The following YTHDC2 variants were observed in gnomAD, a reference collection of about 807,000 sequenced individuals.
YTHDC2 encodes the protein 3'-5' RNA helicase YTHDC2.
YTHDC2 carries 45 observed loss-of-function variants against 174.9 expected under a neutral mutation model. The ratio of observed to expected loss-of-function variants is 0.26; its 90% CI spans 0.20 to 0.33. The LOEUF (loss-of-function observed/expected upper bound fraction) is 0.33. Among genes scored for constraint, YTHDC2 ranks in the 10% least tolerant of loss-of-function variants. The pLI, the probability that YTHDC2 is intolerant of heterozygous loss-of-function variation, is 1.00. For synonymous variants in YTHDC2, 657 were observed against 574.5 expected (o/e 1.14, Z -2.05); for missense variants, 1,650 against 1,723.7 (o/e 0.96, Z 0.76).
intron 17 of YTHDC2, among the ~76,000 whole-genome samples, chr5:113,559,930 C>T (rs772364578): frequency 2.0e-5 from 3 of 152,118 alleles, no homozygotes; most frequent in Non-Finnish European, 4.4e-5. Flanking sequence ...TTTTGGGATG[C>T]GTAAGGCATT....
chr5:113,541,280 G>A (rs575846147), intron 9 of YTHDC2, among the ~76,000 whole-genome samples, 164 bp downstream of exon 9: 67 of 151,042 alleles, frequency 4.4e-4, no homozygotes, highest in Non-Finnish European at 7.5e-4. Context: ...CAAGCTCCGC[G>A]TTCCGGGTTC....
At chr5:113,568,484 A>G (rs1444359698) in intron 23 of YTHDC2, among the ~76,000 whole-genome samples, 1 of 152,060 alleles carries the variant, frequency 6.6e-6, no homozygotes, top group Non-Finnish European at 1.5e-5. Context: ...TATCAAGCCC[A>G]GTGTCCATTA....
intron 9 of YTHDC2, 139 bp from the exon 10 acceptor site, chr5:113,542,229 G>A: frequency 3.6e-6 from 3 of 832,628 alleles, no homozygotes; most frequent in Middle Eastern, 3.7e-4. Flanking sequence ...GTGATGAAAG[G>A]AGAAATTTTT....
chr5:113,536,437 A>G (rs944642515), intron 7 of YTHDC2, among the ~76,000 whole-genome samples: 1 of 152,228 alleles, frequency 6.6e-6, no homozygotes, highest in Non-Finnish European at 1.5e-5. Flanking sequence ...AGGCAGGAGA[A>G]TGGCGTGAAC....
intron 25 of YTHDC2, chr5:113,583,605 T>G (rs1778517767): frequency 6.6e-6 from 1 of 152,398 alleles, no homozygotes. Flanking sequence ...TGCCTCAGTC[T>G]CCTGAGTAGC....
chr5:113,590,992 GT>G, intron 26 of YTHDC2, 48 bp from the exon 27 acceptor site: 3 of 1,524,916 alleles, frequency 2.0e-6, no homozygotes, highest in Non-Finnish European at 2.7e-6. Context: ...GAGCCTCTTG[GT>G]TTTGAAAGGT....
chr5:113,532,815 T>C, intron 4 of YTHDC2, 64 bp from the exon 5 acceptor site: 1 of 1,448,744 alleles, frequency 6.9e-7, no homozygotes, highest in Non-Finnish European at 9.3e-7. Flanking sequence ...TTTCAGTTGA[T>C]TCACTTAGAT....
At chr5:113,592,824 G>A (rs1779077258) in intron 28 of YTHDC2, 1 of 152,314 alleles carries the variant, frequency 6.6e-6, no homozygotes, top group Non-Finnish European at 1.5e-5. Flanking sequence ...CTATAATAAT[G>A]ATTTTGAAGA....
At chr5:113,519,100 T>G (rs954908293) in intron 2 of YTHDC2, among the ~76,000 whole-genome samples, 1 of 152,030 alleles carries the variant, frequency 6.6e-6, no homozygotes, top group African/African-American at 2.4e-5. Flanking sequence ...CTCAAACTCC[T>G]GGGCTCAAGT....
chr5:113,559,303 A>G (rs997361031), intron 17 of YTHDC2, among the ~76,000 whole-genome samples: 1 of 152,218 alleles, frequency 6.6e-6, no homozygotes, highest in Non-Finnish European at 1.5e-5. Context: ...AACTTGTTAT[A>G]ACGTATCTGA....
At chr5:113,541,217 A>C in intron 9 of YTHDC2, 101 bp downstream of exon 9, 2 of 1,281,860 alleles carry the variant, frequency 1.6e-6, no homozygotes, top group South Asian at 2.6e-5. Flanking sequence ...TTTGAGATGG[A>C]GTCTGGCTCT....
At chr5:113,557,607 A>T (rs939151504) in intron 17 of YTHDC2, among the ~76,000 whole-genome samples, 2 of 152,164 alleles carry the variant, frequency 1.3e-5, no homozygotes, top group African/African-American at 4.8e-5. Flanking sequence ...TAGCCTGGGC[A>T]TCATAGTGAG....
At chr5:113,589,722 A>G (rs1396258968) in intron 26 of YTHDC2, among the ~76,000 whole-genome samples, 1 of 151,826 alleles carries the variant, frequency 6.6e-6, no homozygotes, top group East Asian at 1.9e-4. Context: ...ACAGAGTGAG[A>G]CCCTGTCCCC....
At chr5:113,559,716 C>G (rs1430944822) in intron 17 of YTHDC2, among the ~76,000 whole-genome samples, 3 of 152,200 alleles carry the variant, frequency 2.0e-5, no homozygotes. Context: ...TCTAGATCAA[C>G]TGCAGACAAG....
chr5:113,531,264 C>G (rs1208957927), intron 4 of YTHDC2, among the ~76,000 whole-genome samples: 3 of 152,192 alleles, frequency 2.0e-5, no homozygotes, highest in Non-Finnish European at 4.4e-5. Context: ...CATACACTGA[C>G]ACAGATATTT....
At position 113,553,663 on chromosome 5, in the gene YTHDC2, G is replaced by C. The variant is rs773794638; in HGVS notation, c.1941G>C (p.Lys647Asn). The change falls in exon 14 of 30, where the codon AAG becomes AAC. Residue 647 changes from lysine (K) to asparagine (N), a missense_variant. This residue lies in a region of YTHDC2 where 913 missense variants were observed against 940.4 expected (regional missense o/e 0.97). Transcript: ENST00000161863. ...GLRDRILFDD[K>N]RFADSTHRYQ... Reference sequence around the variant, plus strand: ...GAGATCGCATCCTGTTTGATGACAAGCGGTTTGCTGACAGTACACATAGGT... The same window carrying C: ...GAGATCGCATCCTGTTTGATGACAACCGGTTTGCTGACAGTACACATAGGT... The C allele has an allele frequency of 2.5e-6, 4 of 1,613,504 alleles. No individual in the cohort carries two copies. In the Admixed American group the frequency reaches 6.7e-5, roughly 27 times the overall value.
intron 24 of YTHDC2, among the ~76,000 whole-genome samples, chr5:113,580,823 A>G (rs555213656): frequency 1.0e-3 from 154 of 152,254 alleles, no homozygotes; most frequent in African/African-American, 3.6e-3. Flanking sequence ...TTACTGTAAC[A>G]TTAATCTTTC....
chr5:113,577,577 C>T (rs1171719032), intron 23 of YTHDC2, among the ~76,000 whole-genome samples: 1 of 152,064 alleles, frequency 6.6e-6, no homozygotes, highest in Non-Finnish European at 1.5e-5. Flanking sequence ...GCCATGTTGC[C>T]CAGGCTGGTC....
In YTHDC2 at chr5:113,579,597, C is replaced by A; in HGVS notation, c.3256C>A (p.Pro1086Thr). The A allele has an allele frequency of 4.4e-6, 7 of 1,601,174 alleles. No individual in the cohort carries two copies. The highest frequency in any genetic ancestry group is 6.0e-6 in the Non-Finnish European group (7 of 1,173,466). Reference protein sequence around the residue: ...EPSSFRVDGIPNDSSDSEMED... With the variant: ...EPSSFRVDGITNDSSDSEMED... ...ATGTACTTGGACAGTGGATGGCATTCCCAATGACAGTAGTGATAGTGAAAT... is the reference window on the plus strand; with the variant it reads ...ATGTACTTGGACAGTGGATGGCATTACCAATGACAGTAGTGATAGTGAAAT... The change falls in exon 24 of 30, where the codon CCC becomes ACC. Residue 1086 changes from proline (P) to threonine (T), a missense_variant. Pro to Thr is a conservative substitution (Grantham distance 38). Around this residue, in one of 5 missense-constraint regions of YTHDC2, gnomAD observed 913 missense variants for 940.4 expected, o/e 0.97. Coordinates refer to ENST00000161863, the MANE Select transcript of YTHDC2 (RefSeq NM_022828.5).
Sources: gnomAD v4.1 joint callset for allele counts (sites outside exome capture counted in the v4.1 genomes callset) on GRCh38, gnomAD v4.1.1 for gene constraint, gnomAD v4.1.1 regional missense constraint, MANE v1.5 for transcripts, NCBI Gene and HGNC (gene_info 2026-07-23, HGNC 2026-07-21) for gene names.